The following NBAS variants were observed in gnomAD, a reference collection of about 807,000 sequenced individuals.
NBAS encodes NBAS subunit of NRZ tethering complex, also known as NAG/BC035112 fusion.
Under a neutral mutation model 302.5 loss-of-function variants are expected in NBAS, and 219 were observed. That is an observed-to-expected ratio of 0.72 (90% CI 0.65 to 0.81). The LOEUF (loss-of-function observed/expected upper bound fraction) is 0.81, where lower values mean the gene tolerates loss of function less well. NBAS is among the 30% of genes least tolerant of loss of function. The probability of loss-of-function intolerance (pLI) is 0.00; values close to 1 mark genes in which losing one functional copy is unlikely to be tolerated. For missense variants in NBAS, 2,932 were observed against 2,841.6 expected, an observed-to-expected ratio of 1.03 and a Z score of -0.72; for synonymous variants, 1,118 against 1,021.6, an observed-to-expected ratio of 1.09 and a Z score of -1.80.
chr2:15,509,357 C>T (rs916284039), intron 10 of NBAS, among the ~76,000 whole-genome samples: 5 of 151,982 alleles, frequency 3.3e-5, no homozygotes, highest in Admixed American at 2.0e-4. Context: ...CTAGGTCCTG[C>T]AGAGAGAATA....
At chr2:14,831,660 A>G in the NBAS span, among the ~76,000 whole-genome samples, 1 of 152,140 alleles carries the variant, frequency 6.6e-6, no homozygotes, top group Non-Finnish European at 1.5e-5. Context: ...AGTGGTTAGA[A>G]GCATCATTTC....
At chr2:15,443,352 G>A (rs1171671904) in intron 21 of NBAS, among the ~76,000 whole-genome samples, 15 of 151,296 alleles carry the variant, frequency 9.9e-5, no homozygotes, top group East Asian at 7.8e-4. Flanking sequence ...TTCAATATAC[G>A]CAAATCAATA....
At chr2:14,853,137 C>T in the NBAS span, among the ~76,000 whole-genome samples, 1 of 69,208 alleles carries the variant, frequency 1.4e-5, no homozygotes, top group African/African-American at 7.9e-5. Context: ...AACAGGCAAC[C>T]TACAACATGG....
chr2:15,537,202 A>G (rs761557382), intron 7 of NBAS, among the ~76,000 whole-genome samples: 2 of 152,224 alleles, frequency 1.3e-5, no homozygotes, highest in Non-Finnish European at 2.9e-5. Context: ...CAACAGACGC[A>G]GGAAAAATTC....
chr2:15,267,658 T>A (rs926137541), intron 44 of NBAS, among the ~76,000 whole-genome samples: 1 of 152,172 alleles, frequency 6.6e-6, no homozygotes, highest in African/African-American at 2.4e-5. Flanking sequence ...AAGATCTTCA[T>A]TCAAAGATGT....
chr2:15,549,290 A>G (rs115229093), intron 6 of NBAS, among the ~76,000 whole-genome samples: 78 of 152,284 alleles, frequency 5.1e-4, no homozygotes, highest in Non-Finnish European at 9.7e-4. Context: ...TTAATGATCA[A>G]TTTGCCAAGG....
At chr2:15,548,222 T>C (rs1241389017) in intron 6 of NBAS, among the ~76,000 whole-genome samples, 1 of 152,220 alleles carries the variant, frequency 6.6e-6, no homozygotes, top group Non-Finnish European at 1.5e-5. Flanking sequence ...TCAAAAATTG[T>C]GTGCCTACGA....
At chr2:15,530,875 A>G (rs1208944296) in intron 9 of NBAS, among the ~76,000 whole-genome samples, 1 of 152,034 alleles carries the variant, frequency 6.6e-6, no homozygotes, top group Non-Finnish European at 1.5e-5. Flanking sequence ...GTCAAATTTC[A>G]GAACGCCAGG....
chr2:15,509,034 T>C (rs1978369), intron 10 of NBAS, among the ~76,000 whole-genome samples: 89,672 of 152,042 alleles, frequency 0.59, 27,066 homozygotes, highest in Middle Eastern at 0.63. Context: ...TGAAACATCT[T>C]GCATATAAAA....
chr2:14,874,330 TAAGAGATTAC>T, the NBAS span, among the ~76,000 whole-genome samples: 1 of 151,832 alleles, frequency 6.6e-6, no homozygotes, highest in African/African-American at 2.4e-5. Flanking sequence ...TAACAAAACA[TAAGAGATTAC>T]AAGAGGCTGG....
the NBAS span, among the ~76,000 whole-genome samples, chr2:15,089,041 A>G: frequency 6.6e-6 from 1 of 152,232 alleles, no homozygotes; most frequent in Non-Finnish European, 1.5e-5. Flanking sequence ...CAAACCCCAC[A>G]GCTAAACCAC....
intron 30 of NBAS, among the ~76,000 whole-genome samples, chr2:15,377,492 A>G (rs1024088241): frequency 6.6e-6 from 1 of 152,236 alleles, no homozygotes. Context: ...AGTTAATATT[A>G]CAATAGCCCT....
rs1295743823 is a variant in NBAS at position 15,383,097 on chromosome 2, G to T, written c.3360+118C>A. 33 of 826,316 alleles carry T rather than the reference G, an allele frequency of 4.0e-5. No individual in the cohort carries two copies. In the East Asian group the frequency reaches 8.4e-4, roughly 21 times the overall value. The allele number at this position is 826,316 out of a possible 1,614,324, so 51.2% of individuals were successfully genotyped here. ...CCTATAAAGCACTAGTCAGTTATTAGCTATTATTAAATAATATTACTTCCA... is the reference window on the plus strand; with the variant it reads ...CCTATAAAGCACTAGTCAGTTATTATCTATTATTAAATAATATTACTTCCA... On this transcript the variant is annotated intron_variant, in intron 29 of 51. Coordinates refer to ENST00000281513, the MANE Select transcript of NBAS (RefSeq NM_015909.4).
At chr2:14,879,329 A>G in the NBAS span, among the ~76,000 whole-genome samples, 23 of 152,192 alleles carry the variant, frequency 1.5e-4, no homozygotes, top group Admixed American at 1.3e-4. Context: ...CAACTAGAGT[A>G]TATTCTTCTC....
chr2:15,065,709 A>G, the NBAS span, among the ~76,000 whole-genome samples: 1 of 146,230 alleles, frequency 6.8e-6, no homozygotes, highest in Non-Finnish European at 1.5e-5. Context: ...TGGACAAAGA[A>G]AACTACAACA....
In NBAS at chr2:15,292,667, G is replaced by T. The variant is rs1670361394; in HGVS notation, c.4897C>A (p.His1633Asn). ...TCCAGGAGACGTTCATTGTAGCAGT[G>T]TAACTGCTTGGTCAGTGAAATAAGG... ...EDLISLTKQL[H>N]CYNERLLDFT... Residue 1633 changes from histidine (H) to asparagine (N), a missense_variant, in exon 41 of 52, where the codon CAC becomes AAC. Physicochemically the swap from His to Asn is moderately conservative, Grantham distance 68. Coordinates refer to ENST00000281513, the MANE Select transcript of NBAS (RefSeq NM_015909.4). 1.2e-6 allele frequency: 2 copies of T among 1,614,162 alleles called. No homozygotes were observed. Among genetic ancestry groups the T allele is most frequent in the African/African-American group, 2.7e-5 (2 of 75,036 alleles).
chr2:15,489,287 T>C (rs1042106059), intron 11 of NBAS, among the ~76,000 whole-genome samples: 6 of 152,248 alleles, frequency 3.9e-5, no homozygotes, highest in East Asian at 3.9e-4. Context: ...CCGAAAAATA[T>C]GTATGCATTA....
At chr2:15,407,206 G>C (rs554415437) in intron 25 of NBAS, among the ~76,000 whole-genome samples, 2 of 152,238 alleles carry the variant, frequency 1.3e-5, no homozygotes, top group East Asian at 3.9e-4. Context: ...TCCATATGTG[G>C]CTAGTGACTA....
At chr2:15,268,521 A>T (rs571826679) in intron 44 of NBAS, among the ~76,000 whole-genome samples, 12 of 152,318 alleles carry the variant, frequency 7.9e-5, no homozygotes, top group African/African-American at 2.6e-4. Flanking sequence ...TTGATTTTTT[A>T]AAATGTGGCT....
Sources: gnomAD v4.1 joint callset for allele counts (sites outside exome capture counted in the v4.1 genomes callset) on GRCh38, gnomAD v4.1.1 for gene constraint, MANE v1.5 for transcripts, NCBI Gene and HGNC (gene_info 2026-07-23, HGNC 2026-07-21) for gene names.